Variants in LY6G5C observed in about 807,000 individuals in gnomAD.
The protein encoded by LY6G5C is lymphocyte antigen 6 family member G5C.
A neutral mutation model predicts 10.5 loss-of-function variants in LY6G5C; 6 were observed. That is an observed-to-expected ratio of 0.57 (90% confidence interval 0.31 to 1.12). The LOEUF is 1.12. Ranked by LOEUF, LY6G5C falls within the 50% of genes most tolerant of loss-of-function variation. The pLI is 0.05. For synonymous variants in LY6G5C, 69 were observed against 67.8 expected (o/e 1.02, Z -0.09); for missense variants, 160 against 185.5 (o/e 0.86, Z 0.80).
chr6:31,676,851 A>G, exon 3 of LY6G5C: 13 of 1,111,932 alleles, frequency 1.2e-5, no homozygotes, highest in Non-Finnish European at 1.6e-5. Context: ...GAGGGAGGCA[A>G]GGAGGGCTGG....
intron 2 of LY6G5C, among the ~76,000 whole-genome samples, chr6:31,677,959 G>C (rs571804868): frequency 2.0e-5 from 3 of 152,096 alleles, no homozygotes; most frequent in Non-Finnish European, 2.9e-5. Flanking sequence ...TCTGTGCATC[G>C]GCTATGTTAA....
chr6:31,680,400 C>T, upstream of LY6G5C: 1 of 1,597,614 alleles, frequency 6.3e-7, no homozygotes, highest in Middle Eastern at 2.2e-4. The surrounding 1 kb of genome is among the most constrained non-coding windows in gnomAD (Gnocchi z 4.5). Context: ...CCAGTTTGGG[C>T]TTATATTGGT....
chr6:31,680,518 G>A, upstream of LY6G5C: 1 of 857,292 alleles, frequency 1.2e-6, no homozygotes, highest in Non-Finnish European at 1.8e-6. This position sits in a 1 kb window ranked among gnomAD's most constrained non-coding sequence, Gnocchi z 4.5. Context: ...AGCCACTCTG[G>A]GGCATAACAT....
At chr6:31,676,843 G>T in exon 3 of LY6G5C, 1 of 1,004,388 alleles carries the variant, frequency 1.0e-6, no homozygotes. Flanking sequence ...AGTGGCTGGA[G>T]GGAGGCAAGG....
Position 31,680,326 on chromosome 6 carries a change from C to T in LY6G5C, c.48G>A (p.Leu16=). Residue 16 remains leucine, a synonymous_variant, in exon 1 of 3, where the codon CTG becomes CTA. Transcript: ENST00000383237. The surrounding 1 kb of genome is among the most constrained non-coding windows in gnomAD (Gnocchi z 4.5). ...GGGCTTGGGGGCTGCTGTGGAAGCA[C>T]AGGGGACCCAGACTCTGGCTCCCTG... 3 of 1,611,010 alleles carry T rather than the reference C, an allele frequency of 1.9e-6. No homozygotes were observed. The highest frequency in any genetic ancestry group is 2.5e-6 in the Non-Finnish European group (3 of 1,179,762).
Position 31,679,325 on chromosome 6 carries a change from C to A in LY6G5C, c.122-57G>T, listed in dbSNP as rs918494485. 16 of 1,596,944 alleles carry A rather than the reference C, an allele frequency of 1.0e-5. 1 individual carries two copies. The South Asian group carries it at 1.8e-4, about 18-fold the overall frequency. The stretch of plus-strand genomic sequence containing the variant: ...CACCCCATTCTACCTCACACCCTAC[C>A]ACTGCCTGATTCCAGGCCACTCAGC... On this transcript the variant is annotated intron_variant, in intron 1 of 2. Transcript: ENST00000383237. This position sits in a 1 kb window ranked among gnomAD's most constrained non-coding sequence, Gnocchi z 4.4.
rs889472384 is a variant in LY6G5C at position 31,679,528 on chromosome 6, C to G, written c.122-260G>C. ...TGTTAGGCAGAGGAAAGTGCTAAAC[C>G]AACACTTTGAATCCTGTGTCTCTGT... On this transcript the variant is annotated intron_variant, in intron 1 of 2. Coordinates refer to ENST00000383237, the Ensembl canonical transcript of LY6G5C. The surrounding 1 kb of genome is among the most constrained non-coding windows in gnomAD (Gnocchi z 4.4). 3 of 547,542 alleles carry G rather than the reference C, an allele frequency of 5.5e-6. No individual in the cohort carries two copies. Among genetic ancestry groups the G allele is most frequent in the Non-Finnish European group, 9.8e-6 (3 of 304,936 alleles). 33.9% of individuals were successfully genotyped at this position (547,542 alleles called of 1,614,324 possible).
At chr6:31,676,867 G>A (rs1802605057) in exon 3 of LY6G5C, 1 of 1,302,174 alleles carries the variant, frequency 7.7e-7, no homozygotes, top group Admixed American at 1.8e-5. Flanking sequence ...GCTGGTATGA[G>A]GGACTAGAAG....
At position 31,677,959 on chromosome 6, in the gene LY6G5C, G is replaced by A. The variant is rs571804868; in HGVS notation, c.290-839C>T. ...GATATTTGACCCACATCTGTGCATC[G>A]GCTATGTTAAAAGGGTAGTAAGAGG... On this transcript the variant is annotated intron_variant, in intron 2 of 2. Transcript: ENST00000383237. 1.9e-4 allele frequency among the ~76,000 whole-genome samples: 29 copies of A among 152,214 alleles called. No homozygotes were observed. The South Asian group carries it at 2.9e-3, about 15-fold the overall frequency.
rs1289002718 is a variant in LY6G5C, at chr6:31,680,293, C to T, written c.81G>A (p.Thr27=). Residue 27 remains threonine, a synonymous_variant, in exon 1 of 3, where the codon ACG becomes ACA. Coordinates refer to ENST00000383237, the Ensembl canonical transcript of LY6G5C. This position sits in a 1 kb window ranked among gnomAD's most constrained non-coding sequence, Gnocchi z 4.5. ...TCATGACCAGCACTATTAAGAGGAC[C>T]GTGTAGAGGGCTTGGGGGCTGCTGT... The T allele has an allele frequency of 5.0e-6, 8 of 1,611,972 alleles. No individual in the cohort carries two copies. The highest frequency in any genetic ancestry group is 1.7e-5 in the Admixed American group (1 of 59,962).
Position 31,679,240 on chromosome 6 carries a change from G to C in LY6G5C, c.150C>G (p.Pro50=), listed in dbSNP as rs748406046. The C allele has an allele frequency of 6.2e-7, 1 of 1,612,842 alleles. No individual in the cohort carries two copies. The highest frequency in any genetic ancestry group is 1.7e-5 in the Admixed American group (1 of 59,988). Residue 50 remains proline (P), a synonymous_variant, in exon 2 of 3, where the codon CCC becomes CCG. Transcript: ENST00000383237. The surrounding 1 kb of genome is among the most constrained non-coding windows in gnomAD (Gnocchi z 4.4). The stretch of plus-strand genomic sequence containing the variant: ...ATTTGGGGAATGGAAGTGGTTGAGG[G>C]GGTTCCCAATTGACAGGAACAAACT...
At chr6:31,678,933 T>C (rs1802723106) in intron 2 of LY6G5C, among the ~76,000 whole-genome samples, 168 bp downstream of exon 2, 1 of 151,528 alleles carries the variant, frequency 6.6e-6, no homozygotes, top group East Asian at 1.9e-4. Context: ...TGAGCCAAGA[T>C]TGCGCCACTG....
chr6:31,679,298 C>T lies in LY6G5C; in HGVS notation c.122-30G>A, dbSNP rs774348019. ...AACACAGAGAAGTGCTGACCCCACTCACACCCCATTCTACCTCACACCCTA... is the reference window on the plus strand; with the variant it reads ...AACACAGAGAAGTGCTGACCCCACTTACACCCCATTCTACCTCACACCCTA... On this transcript the variant is annotated intron_variant, in intron 1 of 2. Transcript: ENST00000383237. The surrounding 1 kb of genome is among the most constrained non-coding windows in gnomAD (Gnocchi z 4.4). The T allele has an allele frequency of 1.2e-6, 2 of 1,612,758 alleles. No homozygotes were observed. The highest frequency in any genetic ancestry group is 3.3e-4 in the Middle Eastern group (2 of 6,062).
chr6:31,677,214 A>G, intron 2 of LY6G5C, 94 bp from the exon 3 acceptor site: 2 of 1,307,242 alleles, frequency 1.5e-6, no homozygotes, highest in Non-Finnish European at 2.1e-6. Context: ...AAAAAAAAGA[A>G]AAAGAAAAGA....
At chr6:31,677,106 C>A (rs758150534) in exon 3 of LY6G5C, 1 of 1,612,646 alleles carries the variant, frequency 6.2e-7, no homozygotes, top group Non-Finnish European at 8.5e-7. Flanking sequence ...CTCACCATGA[C>A]GTCAGAACCG....
At position 31,680,214 on chromosome 6, in the gene LY6G5C, C is replaced by G; in HGVS notation, c.121+39G>C. On this transcript the variant is annotated intron_variant, in intron 1 of 2. Transcript: ENST00000383237. This position sits in a 1 kb window ranked among gnomAD's most constrained non-coding sequence, Gnocchi z 4.5. ...CTTGGTGTCTGTGGGTTTCTCCATCCAGGCCAGGAGACCCTTCTGAACCCT... is the reference window on the plus strand; with the variant it reads ...CTTGGTGTCTGTGGGTTTCTCCATCGAGGCCAGGAGACCCTTCTGAACCCT... 1 of 1,612,790 alleles carries G rather than the reference C, an allele frequency of 6.2e-7. No homozygotes were observed. Among genetic ancestry groups the G allele is most frequent in the Non-Finnish European group, 8.5e-7 (1 of 1,179,870 alleles).
intron 2 of LY6G5C, among the ~76,000 whole-genome samples, chr6:31,678,061 T>G (rs1802677165): frequency 6.6e-6 from 1 of 152,218 alleles, no homozygotes; most frequent in Non-Finnish European, 1.5e-5. Context: ...TGGCTCAGCA[T>G]CTGTGAGACT....
Position 31,680,324 on chromosome 6 carries a change from C to T in LY6G5C, c.50G>A (p.Cys17Tyr), listed in dbSNP as rs1367184532. The change falls in exon 1 of 3, where the codon TGC becomes TAC. Residue 17 changes from cysteine (C) to tyrosine (Y), a missense_variant. By Grantham distance (194) the Cys-to-Tyr change is radical. Coordinates refer to ENST00000383237, the Ensembl canonical transcript of LY6G5C. The surrounding 1 kb of genome is among the most constrained non-coding windows in gnomAD (Gnocchi z 4.5). ...GAGGGCTTGGGGGCTGCTGTGGAAG[C>T]ACAGGGGACCCAGACTCTGGCTCCC... 2 of 1,611,432 alleles carry T rather than the reference C, an allele frequency of 1.2e-6. No homozygotes were observed. Among genetic ancestry groups the T allele is most frequent in the Middle Eastern group, 1.9e-4 (1 of 5,390 alleles).
At chr6:31,676,868 G>T in exon 3 of LY6G5C, 1 of 1,314,112 alleles carries the variant, frequency 7.6e-7, no homozygotes, top group Non-Finnish European at 1.1e-6. Flanking sequence ...CTGGTATGAG[G>T]GACTAGAAGT....
Sources: allele counts gnomAD v4.1 joint callset (sites outside exome capture counted in the v4.1 genomes callset), GRCh38; gene constraint gnomAD v4.1.1; non-coding constraint Gnocchi (gnomAD v3.1); transcripts MANE v1.5; gene names NCBI Gene and HGNC (gene_info 2026-07-23, HGNC 2026-07-21).